Variants in SYT2 observed in about 807,000 individuals in gnomAD.
SYT2 encodes the protein synaptotagmin 2, also known as synaptotagmin-2.
SYT2 carries 15 observed loss-of-function variants against 39.9 expected under a neutral mutation model. The ratio of observed to expected loss-of-function variants is 0.38; its 90% CI spans 0.25 to 0.58. The LOEUF (loss-of-function observed/expected upper bound fraction) is 0.58, where lower values mean the gene tolerates loss of function less well. SYT2 is among the 20% of genes least tolerant of loss of function. The pLI is 0.70. For synonymous variants in SYT2, 181 were observed against 204.5 expected, an observed-to-expected ratio of 0.89 and a Z score of 0.98; for missense variants, 389 against 530.3, an observed-to-expected ratio of 0.73 and a Z score of 2.62.
chr1:202,696,404 C>T (rs1653974444), intron 1 of SYT2, among the ~76,000 whole-genome samples: 1 of 152,230 alleles, frequency 6.6e-6, no homozygotes, highest in African/African-American at 2.4e-5. Context: ...TCATGTTCCC[C>T]ACCCTGCTAA....
chr1:202,666,655 G>A (rs1457755425), intron 1 of SYT2, among the ~76,000 whole-genome samples: 6 of 152,110 alleles, frequency 3.9e-5, no homozygotes, highest in Admixed American at 1.3e-4. Flanking sequence ...CAGAGCACCC[G>A]GCCCCTAATC....
Position 202,672,947 on chromosome 1 carries a change from A to G in SYT2, c.-18+37311T>C, listed in dbSNP as rs764029651. 2.2e-4 allele frequency among the ~76,000 whole-genome samples: 33 copies of G among 151,980 alleles called. 1 individual carries two copies. The highest frequency in any genetic ancestry group is 1.0e-3 in the South Asian group (5 of 4,790). ...TATCACAGGAAAACTGCAGAAAACT[A>G]AAGAAAAAGTCTTAAAAATGTAGAG... On this transcript the variant is annotated intron_variant, in intron 1 of 8. Coordinates refer to ENST00000367268, the MANE Select transcript of SYT2 (RefSeq NM_177402.5).
Position 202,679,901 on chromosome 1 carries a change from A to G in SYT2, c.-18+30357T>C, listed in dbSNP as rs370721805. ...CCTCAATGCTGTGCCACACTTTTCTACTGTCATCCATGTTGCTTTCTCTGC... is the reference window on the plus strand; with the variant it reads ...CCTCAATGCTGTGCCACACTTTTCTGCTGTCATCCATGTTGCTTTCTCTGC... On this transcript the variant is annotated intron_variant, in intron 1 of 8. Transcript: ENST00000367268. 5.9e-5 allele frequency among the ~76,000 whole-genome samples: 9 copies of G among 151,886 alleles called. No individual in the cohort carries two copies. The South Asian group carries it at 8.3e-4, about 14-fold the overall frequency.
At chr1:202,680,320 C>T (rs1183396942) in intron 1 of SYT2, among the ~76,000 whole-genome samples, 2 of 152,172 alleles carry the variant, frequency 1.3e-5, no homozygotes, top group African/African-American at 4.8e-5. Context: ...GAAAATTGGA[C>T]CTACCTATGG....
At chr1:202,670,843 GACTA>G (rs1168534733) in intron 1 of SYT2, among the ~76,000 whole-genome samples, 2 of 152,248 alleles carry the variant, frequency 1.3e-5, no homozygotes, top group East Asian at 3.8e-4. Flanking sequence ...TGTGGGCTCT[GACTA>G]ATCATACACA....
At chr1:202,653,467 T>TACCCCC (rs1692226957) in intron 1 of SYT2, among the ~76,000 whole-genome samples, 1 of 151,974 alleles carries the variant, frequency 6.6e-6, no homozygotes, top group South Asian at 2.1e-4. Context: ...CCTTGGCCGT[T>TACCCCC]ACCCCCACCC....
intron 1 of SYT2, among the ~76,000 whole-genome samples, chr1:202,709,962 G>T (rs1244008200): frequency 6.6e-6 from 1 of 152,032 alleles, no homozygotes; most frequent in Non-Finnish European, 1.5e-5. Flanking sequence ...CGCGTGGCCC[G>T]CCCCTCTCTG....
chr1:202,705,204 C>T (rs950899600), intron 1 of SYT2, among the ~76,000 whole-genome samples: 11 of 152,210 alleles, frequency 7.2e-5, no homozygotes, highest in Admixed American at 4.6e-4. Context: ...AACAACCACA[C>T]AACTTCTCTG....
chr1:202,662,298 G>A (rs1171059868), intron 1 of SYT2, among the ~76,000 whole-genome samples: 1 of 152,236 alleles, frequency 6.6e-6, no homozygotes, highest in South Asian at 2.1e-4. Context: ...CCCTATCTCT[G>A]CAGCCTCACT....
intron 1 of SYT2, among the ~76,000 whole-genome samples, chr1:202,612,373 A>C (rs1690904700): frequency 6.6e-6 from 1 of 151,726 alleles, no homozygotes; most frequent in Admixed American, 6.6e-5. Context: ...TGGGTCTTCC[A>C]ACTTTGTTTT....
At chr1:202,660,257 T>C (rs1001801541) in intron 1 of SYT2, among the ~76,000 whole-genome samples, 4 of 152,338 alleles carry the variant, frequency 2.6e-5, no homozygotes, top group East Asian at 1.9e-4. Flanking sequence ...CTGACTATGC[T>C]ACCTTTTAGC....
At chr1:202,598,938 T>C (rs1030648740) in intron 8 of SYT2, among the ~76,000 whole-genome samples, 1 of 152,142 alleles carries the variant, frequency 6.6e-6, no homozygotes, top group Non-Finnish European at 1.5e-5. Flanking sequence ...GCACCTTTGC[T>C]ATACCCCCAT....
chr1:202,622,338 C>T (rs563660745), intron 1 of SYT2, among the ~76,000 whole-genome samples: 13 of 152,186 alleles, frequency 8.5e-5, no homozygotes, highest in East Asian at 3.9e-4. Flanking sequence ...CCTTGTGTAC[C>T]GAGGCCTGAT....
chr1:202,619,376 G>C (rs995110620), intron 1 of SYT2, among the ~76,000 whole-genome samples: 35 of 152,190 alleles, frequency 2.3e-4, no homozygotes, highest in African/African-American at 6.3e-4. Flanking sequence ...GAGGCTGGGG[G>C]TGGGGAGAGA....
chr1:202,675,273 T>C (rs1298971376), intron 1 of SYT2, among the ~76,000 whole-genome samples: 1 of 151,974 alleles, frequency 6.6e-6, no homozygotes, highest in Non-Finnish European at 1.5e-5. Context: ...CAAATTACTT[T>C]CAAGTAAGTG....
At chr1:202,659,776 G>A (rs1356451661) in intron 1 of SYT2, among the ~76,000 whole-genome samples, 3 of 152,264 alleles carry the variant, frequency 2.0e-5, no homozygotes, top group East Asian at 3.9e-4. Flanking sequence ...GGGCATAGCC[G>A]AGCCAATCTG....
intron 1 of SYT2, among the ~76,000 whole-genome samples, chr1:202,687,063 A>C (rs1246779053): frequency 2.0e-5 from 3 of 151,948 alleles, no homozygotes; most frequent in Non-Finnish European, 4.4e-5. Flanking sequence ...TTGGACTGTG[A>C]GTTTGTGAAG....
intron 1 of SYT2, among the ~76,000 whole-genome samples, chr1:202,654,112 C>A (rs1692237544): frequency 1.3e-5 from 2 of 152,210 alleles, no homozygotes; most frequent in Non-Finnish European, 2.9e-5. Context: ...AGGTCTCTGC[C>A]CTTGCCCAGC....
In SYT2 at chr1:202,623,040, C is replaced by T. The variant is rs537138882; in HGVS notation, c.-17-17251G>A. Among the ~76,000 whole-genome samples the T allele has an allele frequency of 1.3e-3, 192 of 152,300 alleles. No homozygotes were observed. Among genetic ancestry groups the T allele is most frequent in the Non-Finnish European group, 2.3e-3 (155 of 68,026 alleles). The stretch of plus-strand genomic sequence containing the variant: ...GCCTTTGTCGCCCCTCAGGCCACCC[C>T]ACCAAGCCCTGGCTCCATTTGATCC... On this transcript the variant is annotated intron_variant, in intron 1 of 8. Coordinates refer to ENST00000367268, the MANE Select transcript of SYT2 (RefSeq NM_177402.5). The surrounding 1 kb of genome is among the most constrained non-coding windows in gnomAD (Gnocchi z 4.2).
Sources: allele counts gnomAD v4.1 joint callset (sites outside exome capture counted in the v4.1 genomes callset), GRCh38; gene constraint gnomAD v4.1.1; non-coding constraint Gnocchi (gnomAD v3.1); transcripts MANE v1.5; gene names NCBI Gene and HGNC (gene_info 2026-07-23, HGNC 2026-07-21).